The following CYP19A1 variants were observed in gnomAD, a reference collection of about 807,000 sequenced individuals.
The protein encoded by CYP19A1 is cytochrome P450 family 19 subfamily A member 1, also known as aromatase.
CYP19A1 carries 32 observed loss-of-function variants against 44.4 expected under a neutral mutation model. That is an observed-to-expected ratio of 0.72 (90% CI 0.54 to 0.97). The LOEUF (loss-of-function observed/expected upper bound fraction) is 0.97, where lower values mean the gene tolerates loss of function less well. Ranked by LOEUF, CYP19A1 falls within the 50% of genes least tolerant of loss-of-function variation. The pLI is 0.00. For synonymous variants in CYP19A1, 212 were observed against 215.6 expected (o/e 0.98, Z 0.14); for missense variants, 598 against 637.8 (o/e 0.94, Z 0.67).
At chr15:51,236,678 T>G (rs1205326206) in intron 3 of CYP19A1, among the ~76,000 whole-genome samples, 181 bp downstream of exon 3, 1 of 152,246 alleles carries the variant, frequency 6.6e-6, no homozygotes, top group Non-Finnish European at 1.5e-5. Context: ...TGGCTTCAAT[T>G]CAAGCAAAAC....
intron 3 of CYP19A1, among the ~76,000 whole-genome samples, chr15:51,229,478 A>G (rs1357315213): frequency 6.6e-6 from 1 of 151,832 alleles, no homozygotes; most frequent in Non-Finnish European, 1.5e-5. Context: ...TAAAAACACT[A>G]TTAAATATTC....
intron 1 of CYP19A1, among the ~76,000 whole-genome samples, chr15:51,263,958 C>G (rs1449905544): frequency 6.6e-6 from 1 of 152,178 alleles, no homozygotes; most frequent in Non-Finnish European, 1.5e-5. Flanking sequence ...GTTCAGGCAA[C>G]AGGCATGAGT....
chr15:51,319,663 T>C (rs1438557423), intron 1 of CYP19A1, among the ~76,000 whole-genome samples: 1 of 152,202 alleles, frequency 6.6e-6, no homozygotes, highest in African/African-American at 2.4e-5. Flanking sequence ...TCTTCATATA[T>C]AGCAAAACTT....
chr15:51,325,743 C>A (rs1301889594), intron 1 of CYP19A1, among the ~76,000 whole-genome samples: 3 of 142,550 alleles, frequency 2.1e-5, no homozygotes, highest in African/African-American at 7.9e-5. Context: ...GAGACTGAGG[C>A]AAGAGAATCG....
intron 1 of CYP19A1, among the ~76,000 whole-genome samples, chr15:51,302,967 C>T (rs1173769334): frequency 6.6e-6 from 1 of 152,196 alleles, no homozygotes; most frequent in African/African-American, 2.4e-5. Flanking sequence ...GAGGAGTAGG[C>T]TGTGAGGAGC....
intron 1 of CYP19A1, among the ~76,000 whole-genome samples, chr15:51,270,438 T>C (rs2035081375): frequency 6.6e-6 from 1 of 152,182 alleles, no homozygotes. Flanking sequence ...CTCCAATCAG[T>C]ATCCCTATCC....
chr15:51,279,191 TAA>T (rs1302935537), intron 1 of CYP19A1: 1 of 152,126 alleles, frequency 6.6e-6, no homozygotes, highest in Non-Finnish European at 1.5e-5. Flanking sequence ...AGATGAGAAG[TAA>T]AAAGAGTACC....
intron 1 of CYP19A1, among the ~76,000 whole-genome samples, chr15:51,246,251 C>A (rs529498289): frequency 2.0e-4 from 30 of 152,222 alleles, no homozygotes; most frequent in African/African-American, 6.7e-4. Context: ...GCCAGTAATA[C>A]CCTCCCCTCA....
chr15:51,229,548 T>C (rs2032862684), intron 3 of CYP19A1, among the ~76,000 whole-genome samples: 1 of 151,974 alleles, frequency 6.6e-6, no homozygotes, highest in African/African-American at 2.4e-5. Context: ...CATGTTTGCC[T>C]CTCCCTAGCA....
At chr15:51,237,721 A>C (rs1595705280) in intron 2 of CYP19A1, among the ~76,000 whole-genome samples, 1 of 152,228 alleles carries the variant, frequency 6.6e-6, no homozygotes, top group Admixed American at 6.5e-5. Context: ...GTGGCTGCTT[A>C]CAATCTTGCT....
intron 5 of CYP19A1, 190 bp downstream of exon 5, chr15:51,222,159 C>A: frequency 9.2e-7 from 1 of 1,086,506 alleles, no homozygotes; most frequent in Non-Finnish European, 1.3e-6. Context: ...CTGGCCCCTA[C>A]TTTATGGAAA....
At chr15:51,253,879 G>A (rs1164745065) in intron 1 of CYP19A1, among the ~76,000 whole-genome samples, 1 of 152,156 alleles carries the variant, frequency 6.6e-6, no homozygotes, top group African/African-American at 2.4e-5. Context: ...GTGAATGATG[G>A]GACTTGTTCT....
At chr15:51,228,910 A>G (rs1249215196) in intron 3 of CYP19A1, among the ~76,000 whole-genome samples, 2 of 152,178 alleles carry the variant, frequency 1.3e-5, no homozygotes, top group Non-Finnish European at 2.9e-5. Context: ...TAACCCTCAA[A>G]GATTGCAAGT....
At chr15:51,291,847 C>T (rs1172436953) in intron 1 of CYP19A1, among the ~76,000 whole-genome samples, 1 of 152,016 alleles carries the variant, frequency 6.6e-6, no homozygotes, top group Admixed American at 6.5e-5. Flanking sequence ...AAAGCAGCCA[C>T]GAGGGTAGAG....
At chr15:51,261,569 G>GT (rs1033032596) in intron 1 of CYP19A1, among the ~76,000 whole-genome samples, 1 of 152,184 alleles carries the variant, frequency 6.6e-6, no homozygotes, top group Non-Finnish European at 1.5e-5. Context: ...AAATGTATGG[G>GT]TTTTTTAGCC....
intron 4 of CYP19A1, among the ~76,000 whole-genome samples, chr15:51,227,562 C>T (rs1167003404): frequency 6.6e-6 from 1 of 151,584 alleles, no homozygotes; most frequent in Non-Finnish European, 1.5e-5. Flanking sequence ...CCCAGCTACT[C>T]GCGAGGCTGA....
intron 1 of CYP19A1, among the ~76,000 whole-genome samples, chr15:51,268,439 C>T (rs902136591): frequency 1.3e-5 from 2 of 152,024 alleles, no homozygotes; most frequent in African/African-American, 4.8e-5. Context: ...TGTTCCTTAA[C>T]ATTGCTGAGC....
At chr15:51,330,129 G>T (rs1232563714) in intron 1 of CYP19A1, among the ~76,000 whole-genome samples, 1 of 152,182 alleles carries the variant, frequency 6.6e-6, no homozygotes, top group African/African-American at 2.4e-5. Context: ...AAGAAGGAAC[G>T]TGAGGCACAA....
intron 8 of CYP19A1, among the ~76,000 whole-genome samples, chr15:51,213,754 G>A (rs148025953): frequency 6.6e-5 from 10 of 152,210 alleles, no homozygotes; most frequent in African/African-American, 2.4e-4. Context: ...TGTATTAAAG[G>A]CTTATGGTTT....
Sources: allele counts gnomAD v4.1 joint callset (sites outside exome capture counted in the v4.1 genomes callset), GRCh38; gene constraint gnomAD v4.1.1; transcripts MANE v1.5; gene names NCBI Gene and HGNC (gene_info 2026-07-23, HGNC 2026-07-21).